Variants in PRR33 observed in about 807,000 individuals in gnomAD.
The protein encoded by PRR33 is proline-rich protein 33.
Under a neutral mutation model 0.5 loss-of-function variants are expected in PRR33, and 1 was observed. The ratio of observed to expected loss-of-function variants is 2.18; its 90% CI spans 0.77 to 10.34. The LOEUF is 10.34. Ranked by LOEUF, PRR33 falls within the 30% of genes most tolerant of loss-of-function variation. The pLI is 0.13. For synonymous variants in PRR33, 226 were observed against 110.0 expected (o/e 2.06, Z -6.60); for missense variants, 552 against 251.8 (o/e 2.19, Z -8.07).
chr11:1,892,135 C>G (rs1214867600), upstream of PRR33: 1 of 152,296 alleles, frequency 6.6e-6, no homozygotes, highest in Non-Finnish European at 1.5e-5. Context: ...GGTCACCCCC[C>G]CAGATCCAAG....
chr11:1,897,919 A>G, the PRR33 span, among the ~76,000 whole-genome samples: 2 of 152,232 alleles, frequency 1.3e-5, no homozygotes, highest in South Asian at 2.1e-4. This position sits in a 1 kb window ranked among gnomAD's most constrained non-coding sequence, Gnocchi z 4.0. Context: ...AATGTGAAGC[A>G]TGCTCCTTAG....
chr11:1,915,171 G>T, the PRR33 span, among the ~76,000 whole-genome samples: 1 of 125,988 alleles, frequency 7.9e-6, no homozygotes, highest in South Asian at 2.6e-4. Context: ...GTGTGTTCTG[G>T]GGCCACACAA....
chr11:1,895,602 T>G (rs965166842), upstream of PRR33, among the ~76,000 whole-genome samples: 1 of 152,240 alleles, frequency 6.6e-6, no homozygotes, highest in Non-Finnish European at 1.5e-5. Flanking sequence ...TTTGGTATCA[T>G]GTCTGAGAAA....
the PRR33 span, among the ~76,000 whole-genome samples, chr11:1,912,471 A>AT: frequency 1.3e-5 from 2 of 152,084 alleles, no homozygotes; most frequent in Admixed American, 1.3e-4. Context: ...TTTCACCACA[A>AT]TGTCATCTCT....
chr11:1,905,524 C>T, the PRR33 span, among the ~76,000 whole-genome samples: 1 of 150,902 alleles, frequency 6.6e-6, no homozygotes, highest in Admixed American at 6.6e-5. Flanking sequence ...CTGCAACCTC[C>T]GCCTTCTGGG....
exon 1 of PRR33, among the ~76,000 whole-genome samples, chr11:1,888,150 G>A (rs1848833997): frequency 6.6e-6 from 1 of 152,110 alleles, no homozygotes; most frequent in Admixed American, 6.5e-5. Flanking sequence ...CACACCACAG[G>A]GTGGGGCAGC....
At chr11:1,889,166 C>G in exon 1 of PRR33, 1 of 671,310 alleles carries the variant, frequency 1.5e-6, no homozygotes, top group Non-Finnish European at 2.8e-6. Flanking sequence ...TCCAGCCAGT[C>G]GCTGTGCGGT....
chr11:1,904,069 C>G, the PRR33 span, among the ~76,000 whole-genome samples: 1 of 152,224 alleles, frequency 6.6e-6, no homozygotes, highest in African/African-American at 2.4e-5. Flanking sequence ...GCTCAAAACA[C>G]ACATCCATGG....
At chr11:1,895,295 G>C (rs1849112155), upstream of PRR33, among the ~76,000 whole-genome samples, 2 of 152,114 alleles carry the variant, frequency 1.3e-5, no homozygotes, top group Non-Finnish European at 1.5e-5. Flanking sequence ...ACCACGCCGG[G>C]CTAATTTTTG....
At chr11:1,909,987 C>T in the PRR33 span, among the ~76,000 whole-genome samples, 1 of 152,214 alleles carries the variant, frequency 6.6e-6, no homozygotes, top group African/African-American at 2.4e-5. Flanking sequence ...CATGATTTTT[C>T]CTTTTGCAAC....
At chr11:1,904,404 C>T in the PRR33 span, among the ~76,000 whole-genome samples, 12 of 152,106 alleles carry the variant, frequency 7.9e-5, no homozygotes, top group South Asian at 2.5e-3. Flanking sequence ...TGGTGCATGC[C>T]TGTAATCCCA....
the PRR33 span, among the ~76,000 whole-genome samples, chr11:1,901,104 G>A: frequency 6.6e-6 from 1 of 152,192 alleles, no homozygotes; most frequent in Non-Finnish European, 1.5e-5. Flanking sequence ...AAGGTCAGGA[G>A]TTCCAGACCA....
At chr11:1,907,015 A>C in the PRR33 span, among the ~76,000 whole-genome samples, 2 of 152,234 alleles carry the variant, frequency 1.3e-5, no homozygotes, top group Admixed American at 1.3e-4. Flanking sequence ...CAGAAAGTGC[A>C]TGGGCAGCGA....
chr11:1,905,122 C>CCT, the PRR33 span, among the ~76,000 whole-genome samples: 1 of 96,584 alleles, frequency 1.0e-5, no homozygotes, highest in African/African-American at 4.1e-5. Context: ...CTTGAGAATT[C>CCT]TTTTTTTTTT....
the PRR33 span, among the ~76,000 whole-genome samples, chr11:1,914,194 G>A: frequency 2.0e-5 from 3 of 152,266 alleles, no homozygotes; most frequent in Non-Finnish European, 4.4e-5. Flanking sequence ...ACATTGGTGT[G>A]TGTTGTGGGG....
chr11:1,908,755 T>G, the PRR33 span, among the ~76,000 whole-genome samples: 1 of 152,236 alleles, frequency 6.6e-6, no homozygotes, highest in Non-Finnish European at 1.5e-5. Flanking sequence ...TTTCCAGAAC[T>G]TATACGTCTC....
the PRR33 span, among the ~76,000 whole-genome samples, chr11:1,897,220 C>T: frequency 1.3e-5 from 2 of 152,168 alleles, no homozygotes; most frequent in Non-Finnish European, 2.9e-5. This position sits in a 1 kb window ranked among gnomAD's most constrained non-coding sequence, Gnocchi z 4.0. Flanking sequence ...ATGGAGAAGG[C>T]GGAACATAAA....
At chr11:1,892,817 T>C (rs1332443998), upstream of PRR33, among the ~76,000 whole-genome samples, 1 of 149,032 alleles carries the variant, frequency 6.7e-6, no homozygotes, top group Non-Finnish European at 1.5e-5. Flanking sequence ...GGTGGACGAA[T>C]GGATAGATGA....
At chr11:1,889,193 G>A in exon 1 of PRR33, 1 of 675,124 alleles carries the variant, frequency 1.5e-6, no homozygotes, top group Non-Finnish European at 2.7e-6. Context: ...TCTTGGGCTG[G>A]GGGCTCAGCT....
Sources: allele counts gnomAD v4.1 joint callset (sites outside exome capture counted in the v4.1 genomes callset), GRCh38; gene constraint gnomAD v4.1.1; non-coding constraint Gnocchi (gnomAD v3.1); transcripts MANE v1.5; gene names NCBI Gene and HGNC (gene_info 2026-07-23, HGNC 2026-07-21).